SLAMF6: variants seen among roughly 807,000 people sequenced by gnomAD.
SLAMF6 encodes SLAM family member 6.
In SLAMF6, 21 loss-of-function variants were observed where a neutral mutation model predicts 38.3. The observed-to-expected ratio is 0.55, with a 90% CI of 0.39 to 0.79. The LOEUF (loss-of-function observed/expected upper bound fraction) is 0.79. Among genes scored for constraint, SLAMF6 ranks in the 30% least tolerant of loss-of-function variants. The pLI is 0.00. For missense variants in SLAMF6, 341 were observed against 385.3 expected (o/e 0.89, Z 0.96); for synonymous variants, 152 against 146.3 (o/e 1.04, Z -0.28).
rs145888090 is a variant in SLAMF6 at position 160,491,129 on chromosome 1, G to A, written c.642C>T (p.Cys214=). The change falls in exon 3 of 8, where the codon TGC becomes TGT. Residue 214 remains cysteine (C), a synonymous_variant. Transcript: ENST00000368057. Reference sequence around the variant, plus strand: ...AGACCTGAGGCAGGCTGTTACCTTCGCAAAGCTTCTGGGCAGAGACAGAGA... The same window carrying A: ...AGACCTGAGGCAGGCTGTTACCTTCACAAAGCTTCTGGGCAGAGACAGAGA... The part of the protein sequence containing the change: ...LSFSVSAQKL[C]EDVKIQYTDT... 325 of 1,613,342 alleles carry A rather than the reference G, an allele frequency of 2.0e-4. No individual in the cohort carries two copies. Among genetic ancestry groups the A allele is most frequent in the Non-Finnish European group, 2.5e-4 (293 of 1,179,888 alleles).
At chr1:160,504,371 T>G (rs1008714492) in intron 1 of SLAMF6, among the ~76,000 whole-genome samples, 1 of 152,144 alleles carries the variant, frequency 6.6e-6, no homozygotes, top group Non-Finnish European at 1.5e-5. Context: ...AATGTCATGT[T>G]GTACAGCTTA....
intron 1 of SLAMF6, among the ~76,000 whole-genome samples, chr1:160,517,319 C>T (rs1186530115): frequency 1.3e-5 from 2 of 152,172 alleles, no homozygotes; most frequent in African/African-American, 2.4e-5. Context: ...ATTACCATCT[C>T]ATGACAGAAT....
rs183349236 is a variant in SLAMF6, at chr1:160,485,367, A to C, written c.*1340T>G. ...ATGCCCAGCCTAGAAGATTCATTTT[A>C]GAAAGAGTGGTCTGGGAAGGTTTCT... On this transcript the variant is annotated 3_prime_UTR_variant, in exon 8 of 8. Transcript: ENST00000368057. 136 of 152,342 alleles carry C rather than the reference A, an allele frequency of 8.9e-4. No individual in the cohort carries two copies. The highest frequency in any genetic ancestry group is 3.4e-3 in the Middle Eastern group (1 of 296). The allele number at this position is 152,342 out of a possible 1,614,324, so 9.4% of individuals were successfully genotyped here.
chr1:160,490,544 G>A, intron 4 of SLAMF6, 31 bp downstream of exon 4: 1 of 1,605,356 alleles, frequency 6.2e-7, no homozygotes, highest in Non-Finnish European at 8.5e-7. Context: ...GAACCTTGGA[G>A]AAGAGACAAG....
At chr1:160,519,055 G>T (rs971341587) in intron 1 of SLAMF6, among the ~76,000 whole-genome samples, 3 of 152,094 alleles carry the variant, frequency 2.0e-5, no homozygotes, top group African/African-American at 7.2e-5. Flanking sequence ...AATATTTTCA[G>T]GTCATGTATT....
At chr1:160,513,069 G>A (rs962110414) in intron 1 of SLAMF6, among the ~76,000 whole-genome samples, 3 of 152,160 alleles carry the variant, frequency 2.0e-5, no homozygotes, top group African/African-American at 7.2e-5. Flanking sequence ...ACTTTGCCGA[G>A]CTAAAGGAGT....
intron 1 of SLAMF6, among the ~76,000 whole-genome samples, chr1:160,499,656 G>A (rs1037206868): frequency 5.3e-5 from 8 of 152,244 alleles, no homozygotes; most frequent in Admixed American, 2.0e-4. Context: ...GTGTGGTATG[G>A]CCATTTTAAC....
intron 6 of SLAMF6, among the ~76,000 whole-genome samples, 153 bp downstream of exon 6, chr1:160,488,935 G>A (rs1299180436): frequency 6.6e-6 from 1 of 152,140 alleles, no homozygotes; most frequent in African/African-American, 2.4e-5. Flanking sequence ...AGACACCAGA[G>A]TGGTCTAGCG....
At chr1:160,495,228 G>T (rs753526485) in intron 2 of SLAMF6, among the ~76,000 whole-genome samples, 1 of 152,132 alleles carries the variant, frequency 6.6e-6, no homozygotes, top group African/African-American at 2.4e-5. Context: ...CAGAATTTCC[G>T]TGGCCTTTAA....
intron 1 of SLAMF6, among the ~76,000 whole-genome samples, chr1:160,499,373 G>T (rs769334410): frequency 6.6e-6 from 1 of 152,212 alleles, no homozygotes; most frequent in East Asian, 1.9e-4. Flanking sequence ...GGTTGTAAGG[G>T]TGTGGCTTTA....
intron 2 of SLAMF6, among the ~76,000 whole-genome samples, chr1:160,492,422 A>G (rs974133129): frequency 6.6e-6 from 1 of 152,144 alleles, no homozygotes; most frequent in Non-Finnish European, 1.5e-5. Flanking sequence ...ACCACGGACA[A>G]ATTATTGCTA....
At chr1:160,522,996 T>G (rs1349547455) in intron 1 of SLAMF6, 148 bp downstream of exon 1, 1 of 728,950 alleles carries the variant, frequency 1.4e-6, no homozygotes, top group Non-Finnish European at 2.3e-6. Flanking sequence ...GAGGTAGTAG[T>G]ATATCAGGTA....
intron 1 of SLAMF6, among the ~76,000 whole-genome samples, chr1:160,509,879 A>C (rs906378637): frequency 1.3e-5 from 2 of 152,132 alleles, no homozygotes; most frequent in Non-Finnish European, 2.9e-5. Context: ...AATAAAATAG[A>C]AAAGATTCAA....
intron 1 of SLAMF6, among the ~76,000 whole-genome samples, chr1:160,517,707 T>C (rs1402618411): frequency 6.6e-6 from 1 of 152,072 alleles, no homozygotes; most frequent in African/African-American, 2.4e-5. Context: ...TTTGCAGGAA[T>C]GTGGATGAAG....
intron 1 of SLAMF6, among the ~76,000 whole-genome samples, chr1:160,498,627 C>T (rs1450595129): frequency 6.6e-6 from 1 of 152,206 alleles, no homozygotes; most frequent in Non-Finnish European, 1.5e-5. Flanking sequence ...AGGTCCCTCC[C>T]ATGACATGTG....
chr1:160,512,285 T>C (rs771735233), intron 1 of SLAMF6, among the ~76,000 whole-genome samples: 21 of 152,114 alleles, frequency 1.4e-4, no homozygotes, highest in Non-Finnish European at 2.9e-4. Context: ...GACTCATCCC[T>C]CCTCACTGAA....
At chr1:160,520,900 CAT>C (rs1183351182) in intron 1 of SLAMF6, among the ~76,000 whole-genome samples, 6 of 152,300 alleles carry the variant, frequency 3.9e-5, no homozygotes, top group South Asian at 2.1e-4. Flanking sequence ...GCTTTTCACA[CAT>C]GATTCCCTCT....
At chr1:160,504,582 T>C (rs545962280) in intron 1 of SLAMF6, among the ~76,000 whole-genome samples, 1 of 152,212 alleles carries the variant, frequency 6.6e-6, no homozygotes, top group Non-Finnish European at 1.5e-5. Flanking sequence ...TTCAACTATC[T>C]GGATGCTCCC....
intron 1 of SLAMF6, among the ~76,000 whole-genome samples, chr1:160,508,661 G>T (rs1214944366): frequency 6.6e-6 from 1 of 152,086 alleles, no homozygotes; most frequent in Admixed American, 6.6e-5. Context: ...AGACAAATGG[G>T]ATCTAATTAA....
Sources: allele counts gnomAD v4.1 joint callset (sites outside exome capture counted in the v4.1 genomes callset), GRCh38; gene constraint gnomAD v4.1.1; transcripts MANE v1.5; gene names NCBI Gene and HGNC (gene_info 2026-07-23, HGNC 2026-07-21).